Variants in ZNF474 observed in about 807,000 individuals in gnomAD.
ZNF474 encodes the protein zinc finger protein 474, also known as 4933409D10Rik.
For missense variants in ZNF474, 511 were observed against 433.8 expected (o/e 1.18, Z -1.58); for synonymous variants, 192 against 162.2 (o/e 1.18, Z -1.39).
intron 1 of ZNF474, among the ~76,000 whole-genome samples, chr5:122,151,100 A>G (rs1756157340): frequency 6.6e-6 from 1 of 152,182 alleles, no homozygotes; most frequent in Non-Finnish European, 1.5e-5. Flanking sequence ...TCATTCTTGA[A>G]TTACTTCTTC....
At chr5:122,134,188 T>C (rs889841745) in intron 1 of ZNF474, among the ~76,000 whole-genome samples, 1 of 152,168 alleles carries the variant, frequency 6.6e-6, no homozygotes, top group African/African-American at 2.4e-5. Flanking sequence ...GCAATAGGAA[T>C]ACACTATGTT....
chr5:122,142,993 A>G (rs1195249093), intron 1 of ZNF474, among the ~76,000 whole-genome samples: 2 of 152,136 alleles, frequency 1.3e-5, no homozygotes, highest in Admixed American at 6.6e-5. Flanking sequence ...TTTTCCTCAG[A>G]AACAGCTTTG....
At chr5:122,143,219 T>C (rs900529630) in intron 1 of ZNF474, among the ~76,000 whole-genome samples, 1 of 152,188 alleles carries the variant, frequency 6.6e-6, no homozygotes, top group African/African-American at 2.4e-5. Flanking sequence ...CAATTTATCC[T>C]GGCCTAGCAG....
Position 122,151,998 on chromosome 5 carries a change from G to A in ZNF474, c.8G>A (p.Arg3Lys), listed in dbSNP as rs761668600. 108 of 1,607,828 alleles carry A rather than the reference G, an allele frequency of 6.7e-5. No homozygotes were observed. The highest frequency in any genetic ancestry group is 9.1e-5 in the Non-Finnish European group (107 of 1,178,562). The change falls in exon 2 of 2, where the codon AGA (arginine) becomes AAA (lysine). Residue 3 changes from arginine (R) to lysine (K), a missense_variant. Arg to Lys is a conservative substitution (Grantham distance 26, BLOSUM62 2). Transcript: ENST00000296600. ME[R>K]GKKKRISNKL... ...AGAAAGACATCTTTGTTAATGGAAA[G>A]AGGAAAGAAGAAAAGAATTTCCAAT...
intron 1 of ZNF474, among the ~76,000 whole-genome samples, chr5:122,133,351 A>G (rs973053106): frequency 2.6e-5 from 4 of 152,196 alleles, no homozygotes; most frequent in Non-Finnish European, 5.9e-5. Context: ...ACAGAGAAAA[A>G]TCTATACCTG....
intron 1 of ZNF474, among the ~76,000 whole-genome samples, chr5:122,129,911 C>T (rs1363491028): frequency 6.6e-6 from 1 of 152,042 alleles, no homozygotes; most frequent in African/African-American, 2.4e-5. Flanking sequence ...TCAAGTATTA[C>T]TAAACAAAAC....
chr5:122,146,371 T>A (rs1374801577), intron 1 of ZNF474, among the ~76,000 whole-genome samples: 1 of 144,128 alleles, frequency 6.9e-6, no homozygotes, highest in Non-Finnish European at 1.5e-5. Flanking sequence ...GTCATTAAAT[T>A]TTTTTTCTTA....
Position 122,152,260 on chromosome 5 carries a change from C to T in ZNF474, c.270C>T (p.Arg90=), listed in dbSNP as rs1459931566. The change falls in exon 2 of 2, where the codon CGC becomes CGT. Residue 90 remains arginine, a synonymous_variant. Transcript: ENST00000296600. The part of the protein sequence containing the change: ...SQLSPPVIPA[R]RPGFRVCYIC... ...TTAGCCCCCCTGTGATCCCGGCCCG[C>T]AGGCCTGGATTCCGGGTATGCTATA... 2.8e-5 allele frequency: 46 copies of T among 1,614,220 alleles called. No individual in the cohort carries two copies. The highest frequency in any genetic ancestry group is 3.6e-5 in the Non-Finnish European group (43 of 1,180,040).
intron 1 of ZNF474, among the ~76,000 whole-genome samples, chr5:122,150,786 G>A (rs1458037002): frequency 6.6e-6 from 1 of 152,108 alleles, no homozygotes; most frequent in Non-Finnish European, 1.5e-5. Context: ...GATCCTTGGG[G>A]AATCCAGGGC....
chr5:122,130,881 A>G (rs925917288), intron 1 of ZNF474, among the ~76,000 whole-genome samples: 4 of 152,080 alleles, frequency 2.6e-5, no homozygotes, highest in African/African-American at 7.2e-5. Context: ...ATCTTAACAC[A>G]TTTCAATTAT....
chr5:122,130,512 C>A (rs77731334), intron 1 of ZNF474, among the ~76,000 whole-genome samples: 1 of 152,186 alleles, frequency 6.6e-6, no homozygotes, highest in South Asian at 2.1e-4. Flanking sequence ...GTTTTTAAGT[C>A]AGTAGTACAA....
intron 1 of ZNF474, 58 bp from the exon 2 acceptor site, chr5:122,151,705 ATGTGTGTGTGTGTGTG>A (rs145270704): frequency 2.3e-3 from 469 of 206,098 alleles, no homozygotes; most frequent in Non-Finnish European, 3.6e-3. Context: ...AACAACCTAA[ATGTGTGTGTGTGTGTG>A]TGTGTGTGTG....
Position 122,152,474 on chromosome 5 carries a change from C to T in ZNF474, c.484C>T (p.Gln162Ter), listed in dbSNP as rs373020091. 6.2e-7 allele frequency: 1 copy of T among 1,614,174 alleles called. No individual in the cohort carries two copies. Among genetic ancestry groups the T allele is most frequent in the African/African-American group, 1.3e-5 (1 of 75,062 alleles). ...TAACGAGGCTGCATTTCAGAGTGCC[C>T]AGGCTCAGCTGCTGCCCTGTGAATC... ...ATNEAAFQSA[Q>*]AQLLPCESCG... Residue 162 changes from glutamine to a stop codon, truncating the protein, a stop_gained, in exon 2 of 2, where the codon CAG (glutamine) becomes TAG (stop). Coordinates refer to ENST00000296600, the MANE Select transcript of ZNF474 (RefSeq NM_207317.3). LOFTEE classifies it low-confidence loss of function (END_TRUNC).
rs1417888460 is a variant in ZNF474, at chr5:122,152,442, A to G, written c.452A>G (p.Gln151Arg). 6.2e-7 allele frequency: 1 copy of G among 1,614,198 alleles called. No individual in the cohort carries two copies. Among genetic ancestry groups the G allele is most frequent in the Non-Finnish European group, 8.5e-7 (1 of 1,180,026 alleles). ...SLSSSGSYSLQATNEAAFQSA... is the reference protein window; with the variant it reads ...SLSSSGSYSLRATNEAAFQSA... ...AGCAGCAGTGGGTCCTACAGTCTTC[A>G]GGCAACTAACGAGGCTGCATTTCAG... The change falls in exon 2 of 2, where the codon CAG becomes CGG. Residue 151 changes from glutamine to arginine, a missense_variant. Physicochemically the swap from Gln to Arg is conservative, Grantham distance 43. Coordinates refer to ENST00000296600, the MANE Select transcript of ZNF474 (RefSeq NM_207317.3).
At chr5:122,132,579 T>C (rs1030992049) in intron 1 of ZNF474, among the ~76,000 whole-genome samples, 1 of 152,142 alleles carries the variant, frequency 6.6e-6, no homozygotes, top group Non-Finnish European at 1.5e-5. Context: ...TTTGCAAATA[T>C]TAGGATCATA....
chr5:122,141,363 C>A (rs1755842581), intron 1 of ZNF474, among the ~76,000 whole-genome samples: 1 of 128,670 alleles, frequency 7.8e-6, no homozygotes, highest in Non-Finnish European at 1.6e-5. Flanking sequence ...GGCTGGAGTG[C>A]AATGGTGCAA....
chr5:122,131,103 G>C (rs1197678552), intron 1 of ZNF474, among the ~76,000 whole-genome samples: 1 of 152,040 alleles, frequency 6.6e-6, no homozygotes, highest in Non-Finnish European at 1.5e-5. Context: ...AAATCACAAG[G>C]AGATATTACC....
chr5:122,133,987 T>G (rs1212395983), intron 1 of ZNF474, among the ~76,000 whole-genome samples: 1 of 152,224 alleles, frequency 6.6e-6, no homozygotes, highest in Non-Finnish European at 1.5e-5. Flanking sequence ...TAATCTTATT[T>G]TAACTCATTT....
intron 1 of ZNF474, among the ~76,000 whole-genome samples, chr5:122,140,603 C>T (rs1227236871): frequency 6.6e-6 from 1 of 152,112 alleles, no homozygotes; most frequent in Non-Finnish European, 1.5e-5. Flanking sequence ...GTGAAATACA[C>T]CTAGTATACA....
Sources: allele counts gnomAD v4.1 joint callset (sites outside exome capture counted in the v4.1 genomes callset), GRCh38; gene constraint gnomAD v4.1.1; transcripts MANE v1.5; gene names NCBI Gene and HGNC (gene_info 2026-07-23, HGNC 2026-07-21).